The following SETD5 variants were observed in gnomAD, a reference collection of about 807,000 sequenced individuals.
The protein encoded by SETD5 is SET domain containing 5.
SETD5 carries 44 observed loss-of-function variants against 153.3 expected under a neutral mutation model. That is an observed-to-expected ratio of 0.29 (90% CI 0.23 to 0.37). SETD5 has a LOEUF of 0.37. Ranked by LOEUF, SETD5 falls within the 10% of genes least tolerant of loss-of-function variation. The probability of loss-of-function intolerance (pLI) is 1.00; values close to 1 mark genes in which losing one functional copy is unlikely to be tolerated. For missense variants in SETD5, 1,544 were observed against 1,768.0 expected (o/e 0.87, Z 2.27); for synonymous variants, 716 against 645.2 (o/e 1.11, Z -1.66).
At chr3:9,466,102 CGTG>C (rs1206706884) in intron 18 of SETD5, among the ~76,000 whole-genome samples, 1 of 151,928 alleles carries the variant, frequency 6.6e-6, no homozygotes, top group Non-Finnish European at 1.5e-5. Context: ...TCCTGGCTAA[CGTG>C]GTGAAACCCC....
chr3:9,406,083 A>G (rs2035603998), intron 1 of SETD5, among the ~76,000 whole-genome samples: 1 of 152,198 alleles, frequency 6.6e-6, no homozygotes, highest in South Asian at 2.1e-4. Context: ...ATTTTCCCTT[A>G]TTAACGTAGG....
chr3:9,432,555 C>A (rs898085742), intron 3 of SETD5, among the ~76,000 whole-genome samples: 4 of 152,156 alleles, frequency 2.6e-5, no homozygotes, highest in African/African-American at 9.7e-5. Flanking sequence ...ATTTGTGAAT[C>A]TGTGTTCTAA....
chr3:9,398,850 C>T (rs111360898), intron 1 of SETD5, among the ~76,000 whole-genome samples: 1 of 152,254 alleles, frequency 6.6e-6, no homozygotes, highest in Admixed American at 6.5e-5. Context: ...CTATAGAGTC[C>T]TTGCTTGTCT....
At chr3:9,452,659 A>ATT (rs1164278885) in intron 16 of SETD5, among the ~76,000 whole-genome samples, 743 of 59,730 alleles carry the variant, frequency 0.012, 22 homozygotes, top group African/African-American at 0.044. Context: ...ATGATGTAAG[A>ATT]TTTTTTTTTT....
In SETD5 at chr3:9,470,576, C is replaced by G; in HGVS notation, c.2842C>G (p.Pro948Ala). 1.2e-6 allele frequency: 2 copies of G among 1,614,022 alleles called. No individual in the cohort carries two copies. Among genetic ancestry groups the G allele is most frequent in the South Asian group, 1.1e-5 (1 of 91,078 alleles). Residue 948 changes from proline (P) to alanine (A), a missense_variant, in exon 19 of 23, where the codon CCC becomes GCC. Pro to Ala is a conservative substitution (Grantham distance 27). Coordinates refer to ENST00000402198, the MANE Select transcript of SETD5 (RefSeq NM_001080517.3). Reference sequence around the variant, plus strand: ...AGGTCATTCTGACCTGGCTCCTCATCCCTCCCTCGGACCCACTTCTGAGAC... The same window carrying G: ...AGGTCATTCTGACCTGGCTCCTCATGCCTCCCTCGGACCCACTTCTGAGAC... The part of the protein sequence containing the change: ...NSGHSDLAPH[P>A]SLGPTSETGF...
chr3:9,440,190 G>A (rs1302092648), intron 7 of SETD5, among the ~76,000 whole-genome samples: 1 of 152,158 alleles, frequency 6.6e-6, no homozygotes, highest in African/African-American at 2.4e-5. Context: ...GTGATGGGAT[G>A]AAACTATGAT....
rs565462585 is a variant in SETD5, at chr3:9,410,619, C to T, written c.-177+12642C>T. ...TAGTGTCTTCCAGCTGGTTCTCTCC[C>T]TGTCCCTGTATGTTAGACTCAACAG... On this transcript the variant is annotated intron_variant, in intron 1 of 22. Coordinates refer to ENST00000402198, the MANE Select transcript of SETD5 (RefSeq NM_001080517.3). 2.6e-5 allele frequency among the ~76,000 whole-genome samples: 4 copies of T among 152,294 alleles called. No homozygotes were observed. In the South Asian group the frequency reaches 8.3e-4, roughly 32 times the overall value.
At chr3:9,426,402 A>AT (rs538258246) in intron 2 of SETD5, among the ~76,000 whole-genome samples, 5,143 of 129,866 alleles carry the variant, frequency 0.04, 115 homozygotes, top group Non-Finnish European at 0.054. Context: ...CACCAGATTT[A>AT]TTTTTTTTTT....
rs531290794 is a variant in SETD5 at position 9,404,397 on chromosome 3, G to A, written c.-177+6420G>A. On this transcript the variant is annotated intron_variant, in intron 1 of 22. Coordinates refer to ENST00000402198, the MANE Select transcript of SETD5 (RefSeq NM_001080517.3). ...CTTGGCAGTAATGATATAATATTTC[G>A]ACCAAAAGAAATTTTGAGTAATTAA... 7.0e-4 allele frequency among the ~76,000 whole-genome samples: 106 copies of A among 152,136 alleles called. 2 individuals are homozygous for A. The South Asian group carries it at 0.021, about 30-fold the overall frequency.
intron 1 of SETD5, among the ~76,000 whole-genome samples, chr3:9,420,192 A>T (rs990036438): frequency 1.3e-5 from 2 of 152,130 alleles, no homozygotes; most frequent in African/African-American, 4.8e-5. Context: ...GTTGTAAATA[A>T]AATATTTTTC....
intron 17 of SETD5, among the ~76,000 whole-genome samples, chr3:9,457,196 A>G (rs1028818441): frequency 6.6e-6 from 1 of 151,552 alleles, no homozygotes; most frequent in Non-Finnish European, 1.5e-5. Context: ...AGAATTAATA[A>G]TAAGAGTTTA....
At chr3:9,428,352 T>A (rs1377157819) in intron 2 of SETD5, among the ~76,000 whole-genome samples, 2 of 152,222 alleles carry the variant, frequency 1.3e-5, no homozygotes, top group Non-Finnish European at 2.9e-5. Context: ...TCTTTTAATT[T>A]GGAAGAAATA....
chr3:9,435,716 A>G lies in SETD5; in HGVS notation c.389-12A>G, dbSNP rs1010796870. 4 of 1,560,342 alleles carry G rather than the reference A, an allele frequency of 2.6e-6. No individual in the cohort carries two copies. The highest frequency in any genetic ancestry group is 1.7e-4 in the Middle Eastern group (1 of 5,898). Reference sequence around the variant, plus strand: ...CTATTAGTACCTGAACTATGAAATCATCATTTTTCAGGTGGGGATAGCAGT... The same window carrying G: ...CTATTAGTACCTGAACTATGAAATCGTCATTTTTCAGGTGGGGATAGCAGT... On this transcript the variant is annotated splice_polypyrimidine_tract_variant and intron_variant, in intron 6 of 22. Transcript: ENST00000402198.
chr3:9,442,578 G>A (rs544638317), intron 10 of SETD5, among the ~76,000 whole-genome samples: 21 of 152,318 alleles, frequency 1.4e-4, no homozygotes, highest in African/African-American at 4.8e-4. Context: ...AAGCTATTTG[G>A]TTGCAGTTTT....
intron 17 of SETD5, among the ~76,000 whole-genome samples, chr3:9,461,872 A>G (rs556502447): frequency 1.3e-5 from 2 of 152,326 alleles, no homozygotes; most frequent in African/African-American, 4.8e-5. Context: ...TATTAAATAT[A>G]TAAAAGTTAT....
chr3:9,422,558 C>T (rs1031184381), intron 1 of SETD5, among the ~76,000 whole-genome samples: 6 of 151,988 alleles, frequency 3.9e-5, no homozygotes, highest in African/African-American at 1.5e-4. Context: ...TATTGATGTG[C>T]TTGGATAATT....
At chr3:9,448,272 C>G in intron 15 of SETD5, 116 bp from the exon 16 acceptor site, 1 of 1,445,684 alleles carries the variant, frequency 6.9e-7, no homozygotes, top group Non-Finnish European at 9.2e-7. Flanking sequence ...TTGCTCAATT[C>G]ATTCTTACTG....
chr3:9,420,489 T>C (rs1379180567), intron 1 of SETD5, among the ~76,000 whole-genome samples: 1 of 152,190 alleles, frequency 6.6e-6, no homozygotes, highest in African/African-American at 2.4e-5. Flanking sequence ...CAGTAGCTCC[T>C]AGAGGGAGTA....
chr3:9,400,641 T>A (rs189469342), intron 1 of SETD5, among the ~76,000 whole-genome samples: 2 of 152,336 alleles, frequency 1.3e-5, no homozygotes, highest in East Asian at 3.8e-4. Context: ...GATATTTTCT[T>A]TGGAGTTTGA....
Sources: gnomAD v4.1 joint callset for allele counts (sites outside exome capture counted in the v4.1 genomes callset) on GRCh38, gnomAD v4.1.1 for gene constraint, MANE v1.5 for transcripts, NCBI Gene and HGNC (gene_info 2026-07-23, HGNC 2026-07-21) for gene names.